DAPK1: variants seen among roughly 807,000 people sequenced by gnomAD.
DAPK1 encodes death associated protein kinase 1.
DAPK1 carries 56 observed loss-of-function variants against 144.9 expected under a neutral mutation model. The observed-to-expected ratio is 0.39, with a 90% CI of 0.31 to 0.48. DAPK1 has a LOEUF of 0.48. Among genes scored for constraint, DAPK1 ranks in the 20% least tolerant of loss-of-function variants. The pLI, the probability that DAPK1 is intolerant of heterozygous loss-of-function variation, is 0.95. For missense variants in DAPK1, 1,454 were observed against 1,875.4 expected (o/e 0.78, Z 4.15); for synonymous variants, 690 against 749.0 (o/e 0.92, Z 1.29).
intron 3 of DAPK1, among the ~76,000 whole-genome samples, chr9:87,636,607 G>C (rs567783291): frequency 6.6e-6 from 1 of 152,236 alleles, no homozygotes; most frequent in East Asian, 1.9e-4. Context: ...GAGGGTGAAG[G>C]CATGTGGGAT....
At chr9:87,538,717 A>G (rs1825940425) in intron 2 of DAPK1, among the ~76,000 whole-genome samples, 1 of 152,206 alleles carries the variant, frequency 6.6e-6, no homozygotes, top group Non-Finnish European at 1.5e-5. Flanking sequence ...GAAAATTGTA[A>G]CAGATTAAAA....
chr9:87,707,124 G>T lies in DAPK1; in HGVS notation c.4053G>T (p.Lys1351Asn). 1.2e-6 allele frequency: 2 copies of T among 1,613,992 alleles called. No homozygotes were observed. Among genetic ancestry groups the T allele is most frequent in the Non-Finnish European group, 1.7e-6 (2 of 1,179,912 alleles). ...ACAACACCAGTAACGGGGCTCCCAA[G>T]GATTTCCTCCCCAGCCCCCTCCACG... The part of the protein sequence containing the change: ...AKYNTSNGAP[K>N]DFLPSPLHAL... Residue 1351 changes from lysine (K) to asparagine (N), a missense_variant, in exon 26 of 26, where the codon AAG becomes AAT. By Grantham distance (94) the Lys-to-Asn change is moderately conservative. Around this residue, in one of 2 missense-constraint regions of DAPK1, gnomAD observed 1,025 missense variants for 1,237.9 expected, o/e 0.83. Coordinates refer to ENST00000408954, the MANE Select transcript of DAPK1 (RefSeq NM_004938.4). The surrounding 1 kb of genome is among the most constrained non-coding windows in gnomAD (Gnocchi z 4.0).
intron 17 of DAPK1, among the ~76,000 whole-genome samples, chr9:87,653,159 C>T (rs1465433444): frequency 6.8e-6 from 1 of 147,458 alleles, no homozygotes; most frequent in African/African-American, 2.4e-5. Context: ...TGTCCATCCC[C>T]CCGATCCTGG....
At position 87,647,350 on chromosome 9, in the gene DAPK1, G is replaced by A. The variant is rs765999827; in HGVS notation, c.1276G>A (p.Asp426Asn). ...CTGGGCTGCTCGGCATGGCCACGTC[G>A]ATACCTTGAAATTTCTCAGTGAGAA... is the stretch of plus-strand genomic sequence containing the variant. ...VYWAARHGHV[D>N]TLKFLSENKC... Residue 426 changes from aspartate to asparagine, a missense_variant, in exon 14 of 26, where the codon GAT becomes AAT. By Grantham distance (23) the Asp-to-Asn change is conservative. This residue lies in a region of DAPK1 where 429 missense variants were observed against 637.5 expected (regional missense o/e 0.67). Coordinates refer to ENST00000408954, the MANE Select transcript of DAPK1 (RefSeq NM_004938.4). 9 of 1,614,174 alleles carry A rather than the reference G, an allele frequency of 5.6e-6. No homozygotes were observed. Among genetic ancestry groups the A allele is most frequent in the South Asian group, 1.1e-5 (1 of 91,074 alleles).
At chr9:87,505,646 C>T (rs556931260) in intron 2 of DAPK1, among the ~76,000 whole-genome samples, 1 of 152,156 alleles carries the variant, frequency 6.6e-6, no homozygotes, top group South Asian at 2.1e-4. Context: ...TCACCCTCCT[C>T]GGCCTCCCGA....
intron 3 of DAPK1, among the ~76,000 whole-genome samples, chr9:87,613,861 TTC>T (rs1829009369): frequency 2.6e-5 from 4 of 152,238 alleles, no homozygotes. Context: ...GCCACATTTG[TTC>T]TCTCTTTTCT....
At chr9:87,640,061 A>C (rs1830043069) in intron 7 of DAPK1, among the ~76,000 whole-genome samples, 1 of 152,228 alleles carries the variant, frequency 6.6e-6, no homozygotes, top group Non-Finnish European at 1.5e-5. Context: ...CACTGCCGAG[A>C]AAACAGGTTT....
chr9:87,554,757 C>T (rs7025907), intron 2 of DAPK1, among the ~76,000 whole-genome samples: 4 of 152,104 alleles, frequency 2.6e-5, no homozygotes, highest in African/African-American at 9.6e-5. Flanking sequence ...ACTGCTCTGG[C>T]GGGAGGGAGG....
intron 2 of DAPK1, among the ~76,000 whole-genome samples, chr9:87,585,496 G>A (rs1486291249): frequency 6.6e-6 from 1 of 152,222 alleles, no homozygotes; most frequent in Non-Finnish European, 1.5e-5. Context: ...AGCTGGAAAT[G>A]TATTCACATC....
chr9:87,630,648 G>A (rs1004796720), intron 3 of DAPK1, among the ~76,000 whole-genome samples: 1 of 152,138 alleles, frequency 6.6e-6, no homozygotes, highest in Admixed American at 6.5e-5. Flanking sequence ...TCCTGGATTC[G>A]AGGAGCTGGG....
intron 2 of DAPK1, among the ~76,000 whole-genome samples, chr9:87,509,107 A>C (rs1323731296): frequency 6.6e-6 from 1 of 152,182 alleles, no homozygotes; most frequent in African/African-American, 2.4e-5. Flanking sequence ...TGTAATATTT[A>C]ATAGACTAGG....
intron 2 of DAPK1, among the ~76,000 whole-genome samples, chr9:87,508,748 CT>C (rs72447070): frequency 1.4e-4 from 22 of 151,964 alleles, no homozygotes; most frequent in African/African-American, 4.8e-4. Flanking sequence ...CAATGCCATT[CT>C]TTTTTTTCCC....
chr9:87,639,280 G>A, intron 4 of DAPK1, 74 bp from the exon 5 acceptor site: 2 of 1,172,676 alleles, frequency 1.7e-6, no homozygotes, highest in Non-Finnish European at 2.3e-6. Context: ...TTTTTGGAGA[G>A]AAGAACTATT....
chr9:87,588,160 G>C (rs36205440), intron 2 of DAPK1, among the ~76,000 whole-genome samples: 3 of 152,202 alleles, frequency 2.0e-5, no homozygotes, highest in African/African-American at 7.2e-5. Flanking sequence ...ATAATGCCAC[G>C]CAGGAGATTA....
intron 22 of DAPK1, among the ~76,000 whole-genome samples, chr9:87,697,960 A>G (rs1255862475): frequency 6.6e-6 from 1 of 152,236 alleles, no homozygotes; most frequent in Non-Finnish European, 1.5e-5. Flanking sequence ...CTCAAAAAAA[A>G]AGAGAGAGAA....
chr9:87,590,513 T>G (rs1828092070), intron 2 of DAPK1, among the ~76,000 whole-genome samples: 1 of 152,128 alleles, frequency 6.6e-6, no homozygotes, highest in Non-Finnish European at 1.5e-5. Context: ...GAACTGAACT[T>G]AAGTTTTGGA....
intron 10 of DAPK1, among the ~76,000 whole-genome samples, 193 bp from the exon 11 acceptor site, chr9:87,643,183 T>C (rs149284381): frequency 4.3e-4 from 65 of 152,260 alleles, no homozygotes; most frequent in African/African-American, 1.4e-3. Context: ...AATTATTCTT[T>C]AAGCAAATAC....
Position 87,707,574 on chromosome 9 carries a change from G to A in DAPK1, c.*210G>A. 1.7e-6 allele frequency: 1 copy of A among 587,598 alleles called. No homozygotes were observed. The highest frequency in any genetic ancestry group is 2.1e-5 in the South Asian group (1 of 48,052). The allele number at this position is 587,598 out of a possible 1,614,324, so 36.4% of individuals were successfully genotyped here. A position where few individuals can be genotyped will look rare whatever the true frequency, so the allele number is the denominator to read the frequency against. Reference sequence around the variant, plus strand: ...TCTGTGGATGGTCATTGCAGTTTAAGAGCAGAACAGATCTTTTACTTTGGC... The same window carrying A: ...TCTGTGGATGGTCATTGCAGTTTAAAAGCAGAACAGATCTTTTACTTTGGC... On this transcript the variant is annotated 3_prime_UTR_variant, in exon 26 of 26. Coordinates refer to ENST00000408954, the MANE Select transcript of DAPK1 (RefSeq NM_004938.4). The surrounding 1 kb of genome is among the most constrained non-coding windows in gnomAD (Gnocchi z 4.0).
rs563388186 is a variant in DAPK1 at position 87,678,534 on chromosome 9, A to C, written c.2002-2870A>C. ...ATCGGAGACAGCACTCAGCAAAGAT[A>C]AAAGGAAAAAAGCAAAGTGTAGTTA... On this transcript the variant is annotated intron_variant, in intron 19 of 25. Transcript: ENST00000408954. 1.2e-4 allele frequency among the ~76,000 whole-genome samples: 18 copies of C among 152,368 alleles called. No individual in the cohort carries two copies. The South Asian group carries it at 3.3e-3, about 28-fold the overall frequency.
Sources: gnomAD v4.1 joint callset for allele counts (sites outside exome capture counted in the v4.1 genomes callset) on GRCh38, gnomAD v4.1.1 for gene constraint, gnomAD v4.1.1 regional missense constraint, Gnocchi (gnomAD v3.1) non-coding constraint, MANE v1.5 for transcripts, NCBI Gene and HGNC (gene_info 2026-07-23, HGNC 2026-07-21) for gene names.